The following DMXL2 variants were observed in gnomAD, a reference collection of about 807,000 sequenced individuals.
DMXL2 encodes the protein dmX-like protein 2.
A neutral mutation model predicts 331.1 loss-of-function variants in DMXL2; 103 were observed. The ratio of observed to expected loss-of-function variants is 0.31; its 90% CI spans 0.27 to 0.37. The LOEUF (loss-of-function observed/expected upper bound fraction) is 0.37. DMXL2 is among the 10% of genes least tolerant of loss of function. The probability of loss-of-function intolerance (pLI) is 1.00; values close to 1 mark genes in which losing one functional copy is unlikely to be tolerated. For missense variants in DMXL2, 3,171 were observed against 3,642.9 expected (o/e 0.87, Z 3.33); for synonymous variants, 1,281 against 1,252.1 (o/e 1.02, Z -0.49).
chr15:51,494,931 G>T, intron 19 of DMXL2, 93 bp downstream of exon 19: 4 of 808,764 alleles, frequency 4.9e-6, no homozygotes, highest in Middle Eastern at 2.3e-4. Flanking sequence ...TGCACGTAAT[G>T]ACTTACCTAA....
At chr15:51,476,802 C>A in intron 26 of DMXL2, 83 bp from the exon 27 acceptor site, 1 of 1,167,858 alleles carries the variant, frequency 8.6e-7, no homozygotes, top group Non-Finnish European at 1.2e-6. Flanking sequence ...TTTTAGACAC[C>A]TATTTTAAGA....
At chr15:51,487,290 C>T (rs1220248957) in intron 22 of DMXL2, among the ~76,000 whole-genome samples, 2 of 152,074 alleles carry the variant, frequency 1.3e-5, no homozygotes, top group African/African-American at 4.8e-5. Context: ...AAAAAAACAG[C>T]TTAATGTATC....
Position 51,536,202 on chromosome 15 carries a change from C to T in DMXL2, c.2278G>A (p.Ala760Thr). 1 of 1,603,664 alleles carries T rather than the reference C, an allele frequency of 6.2e-7. No homozygotes were observed. The highest frequency in any genetic ancestry group is 8.5e-7 in the Non-Finnish European group (1 of 1,175,894). The part of the protein sequence containing the change: ...SLHTSAFSNV[A>T]WLPTLIPSYC... Reference sequence around the variant, plus strand: ...CTGGGAATGAGAGTTGGAAGCCAAGCCACATTAGAGAACGCTGAGGTATGT... The same window carrying T: ...CTGGGAATGAGAGTTGGAAGCCAAGTCACATTAGAGAACGCTGAGGTATGT... The change falls in exon 12 of 44, where the codon GCT becomes ACT. Residue 760 changes from alanine to threonine, a missense_variant. Physicochemically the swap from Ala to Thr is moderately conservative, Grantham distance 58. Transcript: ENST00000560891.
intron 1 of DMXL2, among the ~76,000 whole-genome samples, chr15:51,598,620 G>A (rs1207932094): frequency 6.6e-6 from 1 of 152,166 alleles, no homozygotes; most frequent in Admixed American, 6.5e-5. Context: ...GAAGAACACA[G>A]ATCAGTTATT....
In DMXL2 at chr15:51,569,570, A is replaced by G. The variant is rs1423976499; in HGVS notation, c.214-1012T>C. On this transcript the variant is annotated intron_variant, in intron 2 of 43. Coordinates refer to ENST00000560891, the MANE Select transcript of DMXL2 (RefSeq NM_001378457.1). ...CAGTAGGGGCCTACAGACACCACAT[A>G]CAGGAGAGCTCTGCCCGGCATCTGG... 2.6e-5 allele frequency among the ~76,000 whole-genome samples: 4 copies of G among 152,142 alleles called. No individual in the cohort carries two copies. In the East Asian group the frequency reaches 7.7e-4, roughly 29 times the overall value.
At position 51,505,895 on chromosome 15, in the gene DMXL2, T is replaced by G. The variant is rs552746544; in HGVS notation, c.2764+1239A>C. ...AAGCAGATTCAATGTGATATGGCTA[T>G]CCATGCAGTTCTTCATTTTAACAAT... On this transcript the variant is annotated intron_variant, in intron 16 of 43. Coordinates refer to ENST00000560891, the MANE Select transcript of DMXL2 (RefSeq NM_001378457.1). Among the ~76,000 whole-genome samples the G allele has an allele frequency of 5.9e-5, 9 of 152,248 alleles. No individual in the cohort carries two copies. The South Asian group carries it at 1.9e-3, about 31-fold the overall frequency.
chr15:51,566,235 GTGT>G (rs1567126688), intron 3 of DMXL2, among the ~76,000 whole-genome samples: 35 of 1,618 alleles, frequency 0.022, no homozygotes, highest in African/African-American at 0.03. Context: ...TGTGTGGGGT[GTGT>G]GTGTGTGTGT....
Position 51,537,676 on chromosome 15 carries a change from A to C in DMXL2, c.1429T>G (p.Tyr477Asp). ...GGCATTGGTACACTAAGTCGTGAGT[A>C]AGTTCTAGGACTTCCTTCTCTTTCT... ...DGEREGSPRT[Y>D]SRLSVPMPLP... is the part of the protein sequence containing the mutation. Residue 477 changes from tyrosine (Y) to aspartate (D), a missense_variant, in exon 11 of 44, where the codon TAC (tyrosine) becomes GAC (aspartate). By Grantham distance (160) the Tyr-to-Asp change is radical. Coordinates refer to ENST00000560891, the MANE Select transcript of DMXL2 (RefSeq NM_001378457.1). 6.2e-7 allele frequency: 1 copy of C among 1,613,916 alleles called. No individual in the cohort carries two copies. The highest frequency in any genetic ancestry group is 8.5e-7 in the Non-Finnish European group (1 of 1,179,894).
intron 1 of DMXL2, among the ~76,000 whole-genome samples, chr15:51,610,262 CAAATA>C (rs1309439262): frequency 6.6e-6 from 1 of 151,880 alleles, no homozygotes; most frequent in African/African-American, 2.4e-5. Context: ...CTTGTAAGCA[CAAATA>C]AATAAAACAA....
At position 51,542,426 on chromosome 15, in the gene DMXL2, G is replaced by C; in HGVS notation, c.1012C>G (p.Gln338Glu). The change falls in exon 9 of 44, where the codon CAG becomes GAG. Residue 338 changes from glutamine to glutamate, a missense_variant. Transcript: ENST00000560891. ...LVTHAELMPDQTAMHEVQRHI... is the reference protein window; with the variant it reads ...LVTHAELMPDETAMHEVQRHI... ...CTTTGAACTTCATGCATTGCTGTCT[G>C]GTCGGGCATTAATTCAGCATGAGTT... The C allele has an allele frequency of 6.2e-7, 1 of 1,613,762 alleles. No individual in the cohort carries two copies. The highest frequency in any genetic ancestry group is 2.2e-5 in the East Asian group (1 of 44,850).
intron 6 of DMXL2, among the ~76,000 whole-genome samples, chr15:51,561,818 T>C (rs58191646): frequency 1.8e-3 from 274 of 152,330 alleles, no homozygotes; most frequent in African/African-American, 6.4e-3. Context: ...AAATGAAATG[T>C]GGTAAATATA....
chr15:51,511,831 A>G (rs2046772689), intron 15 of DMXL2, among the ~76,000 whole-genome samples: 1 of 152,232 alleles, frequency 6.6e-6, no homozygotes, highest in South Asian at 2.1e-4. Context: ...AAAATGTAGC[A>G]CATATACACC....
At chr15:51,554,108 T>G (rs1257811250) in intron 6 of DMXL2, among the ~76,000 whole-genome samples, 1 of 152,192 alleles carries the variant, frequency 6.6e-6, no homozygotes, top group Non-Finnish European at 1.5e-5. Context: ...GTGTGTACAA[T>G]ATCCAAGCTG....
At chr15:51,515,991 C>A (rs1186152096) in intron 14 of DMXL2, among the ~76,000 whole-genome samples, 3 of 152,164 alleles carry the variant, frequency 2.0e-5, no homozygotes, top group Non-Finnish European at 4.4e-5. Context: ...ATGGGTCTGG[C>A]AGCCCCAGTT....
Position 51,448,813 on chromosome 15 carries a change from C to T in DMXL2, c.*171G>A. On this transcript the variant is annotated 3_prime_UTR_variant, in exon 44 of 44. Transcript: ENST00000560891. Reference sequence around the variant, plus strand: ...TTTAGTATGTCAGCATAATAAGGTACATGCGCATTCATTCCACCAACCTGT... The same window carrying T: ...TTTAGTATGTCAGCATAATAAGGTATATGCGCATTCATTCCACCAACCTGT... 1 of 647,952 alleles carries T rather than the reference C, an allele frequency of 1.5e-6. No homozygotes were observed. The highest frequency in any genetic ancestry group is 2.6e-6 in the Non-Finnish European group (1 of 378,146). 40.1% of individuals were successfully genotyped at this position (647,952 alleles called of 1,614,324 possible).
At chr15:51,599,184 C>G (rs1029779360) in intron 1 of DMXL2, among the ~76,000 whole-genome samples, 25 of 152,214 alleles carry the variant, frequency 1.6e-4, no homozygotes, top group Non-Finnish European at 1.2e-4. Flanking sequence ...TATGACCATT[C>G]TTTGAGCAAT....
At chr15:51,477,316 C>A (rs1039622406) in intron 26 of DMXL2, among the ~76,000 whole-genome samples, 5 of 151,902 alleles carry the variant, frequency 3.3e-5, no homozygotes, top group African/African-American at 1.2e-4. Flanking sequence ...TAAATCATAG[C>A]CGACCAACTG....
At chr15:51,459,845 A>G in intron 33 of DMXL2, 185 bp from the exon 34 acceptor site, 2 of 1,167,726 alleles carry the variant, frequency 1.7e-6, no homozygotes, top group Non-Finnish European at 2.2e-6. Flanking sequence ...CAAAGCCAAA[A>G]GAGCAAAATT....
chr15:51,458,892 TGTAGCAGCAGCAGCA>T lies in DMXL2; in HGVS notation c.7990-112_7990-98del. 9.4e-6 allele frequency: 9 copies of T among 953,762 alleles called. No homozygotes were observed. In the South Asian group the frequency reaches 1.2e-4, roughly 13 times the overall value. The allele number at this position is 953,762 out of a possible 1,614,324, so 59.1% of individuals were successfully genotyped here. Reference sequence around the variant, plus strand: ...ATTTAAATGTAGGATAAGAAGAAAATGTAGCAGCAGCAGCAGCAGCAGCAGCAAGAAAAAAGGGTA... The same window carrying T: ...ATTTAAATGTAGGATAAGAAGAAAATGCAGCAGCAGCAAGAAAAAAGGGTA... On this transcript the variant is annotated intron_variant, in intron 34 of 43. Coordinates refer to ENST00000560891, the MANE Select transcript of DMXL2 (RefSeq NM_001378457.1).
Sources: allele counts gnomAD v4.1 joint callset (sites outside exome capture counted in the v4.1 genomes callset), GRCh38; gene constraint gnomAD v4.1.1; transcripts MANE v1.5; gene names NCBI Gene and HGNC (gene_info 2026-07-23, HGNC 2026-07-21).